C17orf67: variants seen among roughly 807,000 people sequenced by gnomAD.
C17orf67 encodes the protein uncharacterized protein C17orf67.
A neutral mutation model predicts 11.2 loss-of-function variants in C17orf67; 12 were observed. The observed-to-expected ratio is 1.07, with a 90% CI of 0.68 to 1.73. The LOEUF (loss-of-function observed/expected upper bound fraction) is 1.73, where lower values mean the gene tolerates loss of function less well. C17orf67 is among the 40% of genes most tolerant of loss of function. The pLI is 0.00. For synonymous variants in C17orf67, 59 were observed against 46.9 expected (o/e 1.26, Z -1.05); for missense variants, 115 against 113.5 (o/e 1.01, Z -0.06).
At chr17:56,814,655 ATT>A (rs1403065839) in intron 6 of C17orf67, among the ~76,000 whole-genome samples, 1 of 152,156 alleles carries the variant, frequency 6.6e-6, no homozygotes, top group Non-Finnish European at 1.5e-5. Context: ...ATTATTTTCT[ATT>A]TTAAGTTACC....
chr17:56,805,971 C>CCTT (rs761610110), intron 6 of C17orf67, among the ~76,000 whole-genome samples: 1 of 98,018 alleles, frequency 1.0e-5, no homozygotes, highest in African/African-American at 4.0e-5. Flanking sequence ...GTTGATTTTC[C>CCTT]TTTTTTTTTT....
chr17:56,822,472 G>C (rs941322324), intron 4 of C17orf67, among the ~76,000 whole-genome samples: 1 of 151,956 alleles, frequency 6.6e-6, no homozygotes, highest in African/African-American at 2.4e-5. Flanking sequence ...CCAAATCACT[G>C]TTTTCTCACT....
At chr17:56,799,984 G>GTAA (rs1555590469) in intron 6 of C17orf67, among the ~76,000 whole-genome samples, 15,634 of 140,322 alleles carry the variant, frequency 0.11, 946 homozygotes, top group South Asian at 0.16. Flanking sequence ...TTAAAGTCAT[G>GTAA]AAAAAAAAAA....
chr17:56,808,601 G>C (rs1905514447), intron 6 of C17orf67, among the ~76,000 whole-genome samples: 1 of 152,108 alleles, frequency 6.6e-6, no homozygotes, highest in Non-Finnish European at 1.5e-5. Flanking sequence ...TACAGTACAG[G>C]GTTACCCAGC....
At chr17:56,833,563 C>T (rs1291748248) in intron 1 of C17orf67, 55 bp downstream of exon 1, 1 of 150,922 alleles carries the variant, frequency 6.6e-6, no homozygotes, top group East Asian at 1.9e-4. Flanking sequence ...CGCCCGCCCG[C>T]CGCTCCGCAG....
At chr17:56,826,885 C>A (rs1210230036) in intron 2 of C17orf67, among the ~76,000 whole-genome samples, 1 of 152,156 alleles carries the variant, frequency 6.6e-6, no homozygotes, top group Non-Finnish European at 1.5e-5. Context: ...CTACATGGTG[C>A]ATAGCAAGTG....
intron 4 of C17orf67, among the ~76,000 whole-genome samples, chr17:56,823,381 AAAAGT>A (rs1216907577): frequency 1.3e-5 from 2 of 152,196 alleles, no homozygotes; most frequent in African/African-American, 2.4e-5. Context: ...CTCTGACATG[AAAAGT>A]AAAGACAAAA....
chr17:56,826,095 C>G (rs542618598), intron 2 of C17orf67, among the ~76,000 whole-genome samples: 18 of 152,192 alleles, frequency 1.2e-4, no homozygotes, highest in African/African-American at 4.1e-4. Context: ...GCTGGGATTA[C>G]AGGCACGCAC....
At chr17:56,799,357 T>A (rs1406922654) in intron 6 of C17orf67, among the ~76,000 whole-genome samples, 1 of 152,240 alleles carries the variant, frequency 6.6e-6, no homozygotes, top group Non-Finnish European at 1.5e-5. Context: ...ATTGGTTTCT[T>A]TTCTTTAGTA....
At chr17:56,810,187 C>A (rs1232512675) in intron 6 of C17orf67, among the ~76,000 whole-genome samples, 1 of 146,762 alleles carries the variant, frequency 6.8e-6, no homozygotes, top group Non-Finnish European at 1.5e-5. Context: ...CTTGAACACA[C>A]CCTTCACACA....
intron 6 of C17orf67, among the ~76,000 whole-genome samples, chr17:56,804,602 A>G (rs751077278): frequency 5.3e-5 from 8 of 152,216 alleles, no homozygotes; most frequent in Non-Finnish European, 1.0e-4. Context: ...ATGAAAGCAT[A>G]TTTTACAAAG....
At chr17:56,823,368 C>A (rs6503768) in intron 4 of C17orf67, among the ~76,000 whole-genome samples, 128,418 of 151,998 alleles carry the variant, frequency 0.84, 54,457 homozygotes, top group East Asian at 0.93. Flanking sequence ...ACATCTAGAA[C>A]GCCTCTGACA....
At chr17:56,809,950 T>C (rs1238880139) in intron 6 of C17orf67, among the ~76,000 whole-genome samples, 8 of 107,808 alleles carry the variant, frequency 7.4e-5, no homozygotes, top group African/African-American at 3.0e-4. Flanking sequence ...TCCTCACACA[T>C]ACTCCTCACT....
chr17:56,823,091 T>G (rs1027175649), intron 4 of C17orf67, among the ~76,000 whole-genome samples: 8 of 152,330 alleles, frequency 5.3e-5, no homozygotes, highest in Admixed American at 3.3e-4. Context: ...AAGATGGGTA[T>G]GAATAAACAT....
chr17:56,820,090 C>T (rs1394487548), intron 4 of C17orf67, among the ~76,000 whole-genome samples: 1 of 152,144 alleles, frequency 6.6e-6, no homozygotes, highest in Non-Finnish European at 1.5e-5. Flanking sequence ...AACATTATTG[C>T]TGATAAATTC....
At chr17:56,798,021 G>A (rs1446863237) in intron 6 of C17orf67, among the ~76,000 whole-genome samples, 1 of 151,904 alleles carries the variant, frequency 6.6e-6, no homozygotes, top group African/African-American at 2.4e-5. Flanking sequence ...GCAATCTCTG[G>A]CCTACAGGTA....
intron 6 of C17orf67, among the ~76,000 whole-genome samples, chr17:56,812,518 C>T (rs17833388): frequency 0.45 from 68,621 of 151,882 alleles, 16,013 homozygotes; most frequent in East Asian, 0.81. Flanking sequence ...AACATATGAC[C>T]ACTTTTCCAA....
chr17:56,815,788 A>G lies in C17orf67; in HGVS notation c.23T>C (p.Val8Ala). The G allele has an allele frequency of 6.2e-7, 1 of 1,613,952 alleles. No homozygotes were observed. The highest frequency in any genetic ancestry group is 8.5e-7 in the Non-Finnish European group (1 of 1,179,868). ...GACAGTCAGTAAGGTAAGAGACAGC[A>G]CGAGCACAGGCAATGTCTTCATCCT... MKTLPVLVLSLTLLTVFS... is the reference protein window; with the variant it reads MKTLPVLALSLTLLTVFS... The change falls in exon 5 of 8, where the codon GTG (valine) becomes GCG (alanine). Residue 8 changes from valine to alanine, a missense_variant. Coordinates refer to ENST00000397861, the MANE Select transcript of C17orf67 (RefSeq NM_001085430.4).
At chr17:56,800,503 C>T (rs1353773669) in intron 6 of C17orf67, among the ~76,000 whole-genome samples, 1 of 152,198 alleles carries the variant, frequency 6.6e-6, no homozygotes, top group Non-Finnish European at 1.5e-5. Flanking sequence ...CACCCATCTC[C>T]TGAGCCTCTT....
Sources: allele counts gnomAD v4.1 joint callset (sites outside exome capture counted in the v4.1 genomes callset), GRCh38; gene constraint gnomAD v4.1.1; transcripts MANE v1.5; gene names NCBI Gene and HGNC (gene_info 2026-07-23, HGNC 2026-07-21).